The following GPC5 variants were observed in gnomAD, a reference collection of about 807,000 sequenced individuals.
GPC5 encodes glypican 5.
Under a neutral mutation model 53.9 loss-of-function variants are expected in GPC5, and 47 were observed. The ratio of observed to expected loss-of-function variants is 0.87; its 90% CI spans 0.69 to 1.11. The LOEUF is 1.11. Among genes scored for constraint, GPC5 ranks in the 50% most tolerant of loss-of-function variants. GPC5 has a pLI of 0.00. For synonymous variants in GPC5, 286 were observed against 263.3 expected (o/e 1.09, Z -0.84); for missense variants, 748 against 713.1 (o/e 1.05, Z -0.56).
intron 6 of GPC5, among the ~76,000 whole-genome samples, chr13:92,126,825 T>TGA (rs145132093): frequency 6.6e-5 from 10 of 150,864 alleles, no homozygotes; most frequent in Non-Finnish European, 1.2e-4. Flanking sequence ...GGAGTGTGTG[T>TGA]GTGTGTGTGT....
In GPC5 at chr13:92,382,514, A is replaced by C. The variant is rs17432602; in HGVS notation, c.1561+237525A>C. Among the ~76,000 whole-genome samples the C allele has an allele frequency of 1.0e-2, 1,517 of 151,714 alleles. 16 individuals carry two copies. Among genetic ancestry groups the C allele is most frequent in the Non-Finnish European group, 0.018 (1,228 of 67,944 alleles). Reference sequence around the variant, plus strand: ...CCCTGTTACTGATCACCATGAAAAGAGCATATTCTTGGGTAAATTTAAATA... The same window carrying C: ...CCCTGTTACTGATCACCATGAAAAGCGCATATTCTTGGGTAAATTTAAATA... On this transcript the variant is annotated intron_variant, in intron 7 of 7. Transcript: ENST00000377067.
chr13:91,923,624 A>G (rs2039739026), intron 6 of GPC5, among the ~76,000 whole-genome samples: 1 of 152,222 alleles, frequency 6.6e-6, no homozygotes, highest in Admixed American at 6.5e-5. Flanking sequence ...TGTGATTGAA[A>G]CTTAAGCAGT....
intron 5 of GPC5, among the ~76,000 whole-genome samples, chr13:91,884,630 C>G (rs990554354): frequency 1.1e-4 from 16 of 152,174 alleles, no homozygotes; most frequent in African/African-American, 3.9e-4. Flanking sequence ...TCTGAGATCT[C>G]TCTGGCACTT....
rs9560997 is a variant in GPC5, at chr13:92,252,016, T to C, written c.1561+107027T>C. On this transcript the variant is annotated intron_variant, in intron 7 of 7. Coordinates refer to ENST00000377067, the MANE Select transcript of GPC5 (RefSeq NM_004466.6). Reference sequence around the variant, plus strand: ...TCAAAAGGTAAAATAATCTGTTCAGTGTGGTTAGATTCTTTAATGTTATGT... The same window carrying C: ...TCAAAAGGTAAAATAATCTGTTCAGCGTGGTTAGATTCTTTAATGTTATGT... Among the ~76,000 whole-genome samples, 767 of 152,152 alleles carry C rather than the reference T, an allele frequency of 5.0e-3. 11 individuals are homozygous for C. Among genetic ancestry groups the C allele is most frequent in the South Asian group, 0.04 (192 of 4,828 alleles).
intron 7 of GPC5, among the ~76,000 whole-genome samples, chr13:92,234,111 A>G (rs1301036368): frequency 1.3e-5 from 2 of 152,166 alleles, no homozygotes; most frequent in Non-Finnish European, 2.9e-5. Flanking sequence ...TAGTGCTGCA[A>G]TAAACATACA....
At chr13:91,653,917 C>A (rs1206566162) in intron 2 of GPC5, among the ~76,000 whole-genome samples, 2 of 151,384 alleles carry the variant, frequency 1.3e-5, no homozygotes, top group African/African-American at 4.9e-5. Context: ...CATATCCATT[C>A]AAAAAAAAAT....
At chr13:91,559,996 A>G (rs2031172316) in intron 2 of GPC5, among the ~76,000 whole-genome samples, 1 of 152,160 alleles carries the variant, frequency 6.6e-6, no homozygotes, top group Admixed American at 6.6e-5. Flanking sequence ...AAGAGGCCAG[A>G]ATGTAACAAT....
At chr13:91,869,927 A>G (rs147192331) in intron 5 of GPC5, among the ~76,000 whole-genome samples, 53 of 152,206 alleles carry the variant, frequency 3.5e-4, no homozygotes, top group Admixed American at 2.7e-3. Flanking sequence ...GGGAAAATCT[A>G]CCCCCATGAT....
intron 2 of GPC5, among the ~76,000 whole-genome samples, chr13:91,674,944 A>T (rs2035347096): frequency 6.6e-6 from 1 of 152,010 alleles, no homozygotes; most frequent in Non-Finnish European, 1.5e-5. Context: ...TTTTTAATGC[A>T]GAAAAATTTC....
intron 6 of GPC5, among the ~76,000 whole-genome samples, chr13:91,981,979 G>A (rs1036906511): frequency 2.0e-5 from 3 of 152,188 alleles, no homozygotes. Flanking sequence ...GGAAAGCGAT[G>A]AGACTGGAAA....
At chr13:91,897,244 A>T (rs1012097063) in intron 5 of GPC5, among the ~76,000 whole-genome samples, 9 of 151,906 alleles carry the variant, frequency 5.9e-5, no homozygotes, top group Admixed American at 5.3e-4. Flanking sequence ...AGAAAAAGTT[A>T]TTTACAAATC....
intron 7 of GPC5, among the ~76,000 whole-genome samples, chr13:92,508,534 A>G (rs1265821782): frequency 6.6e-6 from 1 of 152,176 alleles, no homozygotes; most frequent in Non-Finnish European, 1.5e-5. Context: ...ATTCTTTCAC[A>G]TTTGAGGAAA....
chr13:92,713,802 G>C (rs1888234474), intron 7 of GPC5, among the ~76,000 whole-genome samples: 1 of 151,926 alleles, frequency 6.6e-6, no homozygotes, highest in African/African-American at 2.4e-5. Context: ...ACAAGAAAAA[G>C]TGACAACACA....
chr13:91,528,395 G>T (rs929318167), intron 2 of GPC5, among the ~76,000 whole-genome samples: 3 of 152,130 alleles, frequency 2.0e-5, no homozygotes, highest in Admixed American at 2.0e-4. Flanking sequence ...TTTTGCTAAG[G>T]CATAGCAAAG....
intron 7 of GPC5, among the ~76,000 whole-genome samples, chr13:92,285,216 A>G (rs542284137): frequency 5.9e-5 from 9 of 152,320 alleles, no homozygotes; most frequent in African/African-American, 1.9e-4. Flanking sequence ...GAGGACTACA[A>G]ACCACTGTTC....
chr13:92,292,147 C>T (rs893688711), intron 7 of GPC5, among the ~76,000 whole-genome samples: 1 of 152,208 alleles, frequency 6.6e-6, no homozygotes, highest in African/African-American at 2.4e-5. Flanking sequence ...TGTAAACATG[C>T]ATATGCAAGT....
At chr13:92,125,882 A>G (rs569544017) in intron 6 of GPC5, among the ~76,000 whole-genome samples, 18 of 143,146 alleles carry the variant, frequency 1.3e-4, no homozygotes, top group African/African-American at 4.1e-4. Flanking sequence ...TTGGATAGTA[A>G]CATGTAAAGA....
At chr13:91,438,804 C>T (rs1424287544) in intron 1 of GPC5, among the ~76,000 whole-genome samples, 1 of 152,232 alleles carries the variant, frequency 6.6e-6, no homozygotes, top group Admixed American at 6.5e-5. Context: ...GCAGTGGGCT[C>T]CACCCAGTTC....
At chr13:92,228,553 C>A (rs921237676) in intron 7 of GPC5, among the ~76,000 whole-genome samples, 1 of 152,044 alleles carries the variant, frequency 6.6e-6, no homozygotes, top group Admixed American at 6.6e-5. Flanking sequence ...AATTTGGTTT[C>A]AAGTGCTTTT....
Sources: allele counts gnomAD v4.1 joint callset (sites outside exome capture counted in the v4.1 genomes callset), GRCh38; gene constraint gnomAD v4.1.1; transcripts MANE v1.5; gene names NCBI Gene and HGNC (gene_info 2026-07-23, HGNC 2026-07-21).